CLASP1: variants seen among roughly 807,000 people sequenced by gnomAD.
CLASP1 encodes CLIP-associating protein 1.
A neutral mutation model predicts 192.3 loss-of-function variants in CLASP1; 38 were observed. The ratio of observed to expected loss-of-function variants is 0.20; its 90% CI spans 0.15 to 0.26. The LOEUF is 0.26. Among genes scored for constraint, CLASP1 ranks in the 10% least tolerant of loss-of-function variants. The pLI is 1.00. For synonymous variants in CLASP1, 691 were observed against 712.8 expected (o/e 0.97, Z 0.49); for missense variants, 1,433 against 1,932.5 (o/e 0.74, Z 4.85).
In CLASP1 at chr2:121,407,456, T is replaced by A. The variant is rs1218756615; in HGVS notation, c.2669+15A>T. 6.8e-6 allele frequency: 11 copies of A among 1,613,248 alleles called. No individual in the cohort carries two copies. In the African/African-American group the frequency reaches 1.3e-4, roughly 20 times the overall value. On this transcript the variant is annotated intron_variant, in intron 25 of 39. Coordinates refer to ENST00000263710, the Ensembl canonical transcript of CLASP1. ...GAGATTCAAACTTAGCTCATATTCTTGCTGTGGTCCTCACCTCAGTGTTCT... is the reference window on the plus strand; with the variant it reads ...GAGATTCAAACTTAGCTCATATTCTAGCTGTGGTCCTCACCTCAGTGTTCT...
chr2:121,340,410 G>C (rs2062665724), exon 40 of CLASP1: 1 of 156,234 alleles, frequency 6.4e-6, no homozygotes, highest in African/African-American at 2.4e-5. Context: ...AGCTGTGAAA[G>C]GGGCCCCACA....
chr2:121,560,174 A>G (rs373205606), intron 2 of CLASP1, among the ~76,000 whole-genome samples: 1 of 152,226 alleles, frequency 6.6e-6, no homozygotes, highest in African/African-American at 2.4e-5. Flanking sequence ...AAAACTTAAC[A>G]TACTATACTT....
intron 23 of CLASP1, among the ~76,000 whole-genome samples, chr2:121,417,518 C>T (rs1489131650): frequency 6.6e-6 from 1 of 151,950 alleles, no homozygotes; most frequent in Non-Finnish European, 1.5e-5. Context: ...CTTCAGACTG[C>T]TGTGGAATAG....
At chr2:121,499,848 A>G (rs1371894592) in intron 8 of CLASP1, among the ~76,000 whole-genome samples, 3 of 152,070 alleles carry the variant, frequency 2.0e-5, no homozygotes, top group Non-Finnish European at 4.4e-5. Context: ...AGAAGTAAAT[A>G]GAAAACTACC....
intron 19 of CLASP1, among the ~76,000 whole-genome samples, chr2:121,433,908 G>A (rs569489263): frequency 5.9e-5 from 9 of 152,188 alleles, no homozygotes; most frequent in African/African-American, 1.9e-4. Context: ...CTGAGTTTAC[G>A]TAAGACTGGA....
chr2:121,545,427 C>T (rs541865634), intron 2 of CLASP1, among the ~76,000 whole-genome samples: 261 of 152,216 alleles, frequency 1.7e-3, no homozygotes, highest in Non-Finnish European at 3.1e-3. Context: ...AAAAAATCCA[C>T]ACATGACATT....
chr2:121,357,560 G>A (rs115007022), intron 37 of CLASP1, among the ~76,000 whole-genome samples: 2,924 of 152,224 alleles, frequency 0.019, 38 homozygotes, highest in Middle Eastern at 0.054. Flanking sequence ...ATTAAGTTAT[G>A]GCTCTTTCTG....
chr2:121,625,427 A>ATTTTTTTTTTTTTTT (rs397868546), intron 1 of CLASP1, among the ~76,000 whole-genome samples: 9 of 95,754 alleles, frequency 9.4e-5, no homozygotes, highest in Non-Finnish European at 1.4e-4. Flanking sequence ...TCTTTCTTTC[A>ATTTTTTTTTTTTTTT]TTTTTTTTTT....
intron 19 of CLASP1, among the ~76,000 whole-genome samples, chr2:121,440,826 A>G (rs1179810072): frequency 2.6e-5 from 4 of 152,172 alleles, no homozygotes; most frequent in Non-Finnish European, 4.4e-5. Flanking sequence ...ACAGAAAAAA[A>G]AAAAAAGAGG....
intron 33 of CLASP1, 114 bp downstream of exon 34, chr2:121,382,094 C>T: frequency 1.3e-6 from 1 of 783,832 alleles, no homozygotes; most frequent in Non-Finnish European, 2.2e-6. Context: ...TATGTGACAC[C>T]AAGGAAGGGA....
chr2:121,535,134 C>T (rs1017687896), intron 2 of CLASP1, among the ~76,000 whole-genome samples: 6 of 152,270 alleles, frequency 3.9e-5, no homozygotes, highest in Non-Finnish European at 7.4e-5. Context: ...CAAAACTTAG[C>T]TGGGCGTGGT....
chr2:121,443,756 G>T (rs2083799593), intron 19 of CLASP1, among the ~76,000 whole-genome samples: 1 of 152,088 alleles, frequency 6.6e-6, no homozygotes, highest in Admixed American at 6.6e-5. Context: ...GGACCTAAGA[G>T]TATTTTTTTA....
intron 17 of CLASP1, among the ~76,000 whole-genome samples, 161 bp from the exon 18 acceptor site, chr2:121,448,486 G>T (rs1260338648): frequency 6.6e-6 from 1 of 152,180 alleles, no homozygotes; most frequent in Admixed American, 6.5e-5. Flanking sequence ...GATTCCCAAC[G>T]AAGCTTTAGC....
intron 23 of CLASP1, among the ~76,000 whole-genome samples, chr2:121,413,615 C>A (rs1469472752): frequency 6.6e-6 from 1 of 152,322 alleles, no homozygotes; most frequent in African/African-American, 2.4e-5. Context: ...GAATCCTGAT[C>A]TTGTTTTTCC....
chr2:121,597,919 G>A (rs545474375), intron 2 of CLASP1, among the ~76,000 whole-genome samples: 1 of 152,350 alleles, frequency 6.6e-6, no homozygotes, highest in South Asian at 2.1e-4. Context: ...CTCCAAGACA[G>A]GTCATTCTTA....
intron 1 of CLASP1, among the ~76,000 whole-genome samples, chr2:121,610,743 G>A (rs559541849): frequency 3.4e-5 from 5 of 148,966 alleles, no homozygotes; most frequent in African/African-American, 1.2e-4. Flanking sequence ...AGGAACTGGA[G>A]GAGGAAGAGT....
intron 2 of CLASP1, among the ~76,000 whole-genome samples, chr2:121,593,458 A>G (rs1375163709): frequency 6.6e-6 from 1 of 151,740 alleles, no homozygotes; most frequent in Non-Finnish European, 1.5e-5. Flanking sequence ...CGCCTCTACT[A>G]AAAATACAAA....
At chr2:121,385,227 T>G (rs1352815614) in intron 32 of CLASP1, among the ~76,000 whole-genome samples, 2 of 152,246 alleles carry the variant, frequency 1.3e-5, no homozygotes, top group Non-Finnish European at 2.9e-5. Context: ...ACAGTTTTAG[T>G]TGCGAGAAAA....
chr2:121,457,454 GACATACAC>G (rs1218390913), intron 14 of CLASP1, among the ~76,000 whole-genome samples: 2 of 131,728 alleles, frequency 1.5e-5, no homozygotes, highest in Non-Finnish European at 3.1e-5. Context: ...CTCTCACACA[GACATACAC>G]ACACACACAC....
Sources: gnomAD v4.1 joint callset for allele counts (sites outside exome capture counted in the v4.1 genomes callset) on GRCh38, gnomAD v4.1.1 for gene constraint, MANE v1.5 for transcripts, NCBI Gene and HGNC (gene_info 2026-07-23, HGNC 2026-07-21) for gene names.